PTGES3: variants seen among roughly 807,000 people sequenced by gnomAD.
PTGES3 encodes the protein prostaglandin E synthase 3, also known as Hsp90 co-chaperone.
Under a neutral mutation model 29.9 loss-of-function variants are expected in PTGES3, and 5 were observed. That is an observed-to-expected ratio of 0.17 (90% CI 0.09 to 0.35). The LOEUF is 0.35. PTGES3 is among the 10% of genes least tolerant of loss of function. The pLI, the probability that PTGES3 is intolerant of heterozygous loss-of-function variation, is 1.00. For synonymous variants in PTGES3, 49 were observed against 57.8 expected (o/e 0.85, Z 0.69); for missense variants, 128 against 190.0 (o/e 0.67, Z 1.92).
chr12:56,685,769 ACTTTTTT>A (rs1952813525), intron 1 of PTGES3, among the ~76,000 whole-genome samples: 1 of 90,746 alleles, frequency 1.1e-5, no homozygotes. Flanking sequence ...TGCTACACTT[ACTTTTTT>A]TTTTTTTTTT....
intron 3 of PTGES3, 51 bp from the exon 4 acceptor site, chr12:56,671,898 G>A (rs1370696561): frequency 9.9e-6 from 11 of 1,116,076 alleles, no homozygotes; most frequent in Non-Finnish European, 1.2e-5. Flanking sequence ...ATCACTACAT[G>A]ATAGAAAATA....
At chr12:56,678,075 C>G (rs1354990542) in intron 1 of PTGES3, among the ~76,000 whole-genome samples, 1 of 142,228 alleles carries the variant, frequency 7.0e-6, no homozygotes, top group East Asian at 2.0e-4. Flanking sequence ...GTGTTTGATA[C>G]CTAAGAAGGA....
chr12:56,665,902 T>C (rs1370424008), intron 6 of PTGES3: 3 of 989,158 alleles, frequency 3.0e-6, no homozygotes, highest in Non-Finnish European at 3.6e-6. Flanking sequence ...ATAACAGACA[T>C]GAGCCACCTC....
At chr12:56,686,846 T>C (rs916355758) in intron 1 of PTGES3, 2 of 397,386 alleles carry the variant, frequency 5.0e-6, no homozygotes, top group African/African-American at 2.1e-5. Flanking sequence ...TATCATGACT[T>C]GAATCAAGCA....
intron 4 of PTGES3, 59 bp downstream of exon 4, chr12:56,671,690 A>T (rs1366177508): frequency 3.6e-6 from 4 of 1,111,638 alleles, no homozygotes; most frequent in Non-Finnish European, 5.1e-6. Context: ...AAATAAGTAC[A>T]TCTTTTATTA....
At chr12:56,674,228 A>G (rs1371904220) in intron 1 of PTGES3, among the ~76,000 whole-genome samples, 1 of 152,148 alleles carries the variant, frequency 6.6e-6, no homozygotes, top group Non-Finnish European at 1.5e-5. Context: ...CCTCCTATAT[A>G]AAGAGATTAG....
At chr12:56,671,924 C>T (rs2137622177) in intron 3 of PTGES3, 77 bp from the exon 4 acceptor site, 2 of 886,872 alleles carry the variant, frequency 2.3e-6, no homozygotes, top group East Asian at 3.0e-5. Flanking sequence ...TCATTTCTCA[C>T]CTTTCTCATT....
rs1444361401 is a variant in PTGES3 at position 56,681,254 on chromosome 12, T to A, written c.2+6744A>T. Among the ~76,000 whole-genome samples the A allele has an allele frequency of 2.0e-5, 3 of 151,570 alleles. No homozygotes were observed. In the East Asian group the frequency reaches 5.9e-4, roughly 30 times the overall value. On this transcript the variant is annotated intron_variant, in intron 1 of 7. Coordinates refer to ENST00000262033, the MANE Select transcript of PTGES3 (RefSeq NM_006601.7). Reference sequence around the variant, plus strand: ...GCTGTGTAAATGGGTATTTTAAGAATCAGGCCGGGCGCGGTGGCTCATGCC... The same window carrying A: ...GCTGTGTAAATGGGTATTTTAAGAAACAGGCCGGGCGCGGTGGCTCATGCC...
intron 1 of PTGES3, among the ~76,000 whole-genome samples, chr12:56,683,459 G>C (rs1316939686): frequency 1.3e-5 from 1 of 77,646 alleles, no homozygotes; most frequent in African/African-American, 5.0e-5. Context: ...GGCAACAAGA[G>C]AGAAACTCTG....
At chr12:56,681,455 G>C (rs986614049) in intron 1 of PTGES3, among the ~76,000 whole-genome samples, 2 of 143,878 alleles carry the variant, frequency 1.4e-5, no homozygotes, top group Non-Finnish European at 3.0e-5. Flanking sequence ...GGAGAATGGC[G>C]TGAACCCGGG....
intron 1 of PTGES3, among the ~76,000 whole-genome samples, chr12:56,679,058 T>C (rs570350477): frequency 2.6e-5 from 4 of 152,200 alleles, no homozygotes; most frequent in African/African-American, 4.8e-5. Flanking sequence ...TTTGAGGTTA[T>C]AGTGAGCATG....
chr12:56,679,321 C>T (rs551602852), intron 1 of PTGES3, among the ~76,000 whole-genome samples: 1 of 141,132 alleles, frequency 7.1e-6, no homozygotes, highest in East Asian at 2.2e-4. Context: ...ACATGAGAAT[C>T]GGTTGAACCC....
chr12:56,665,656 T>C, intron 6 of PTGES3: 1 of 983,228 alleles, frequency 1.0e-6, no homozygotes, highest in Non-Finnish European at 1.2e-6. Context: ...TCTTCTTTCT[T>C]TTTGAGATGG....
At chr12:56,668,980 T>C (rs1026364498) in intron 5 of PTGES3, among the ~76,000 whole-genome samples, 1 of 151,008 alleles carries the variant, frequency 6.6e-6, no homozygotes, top group African/African-American at 2.4e-5. Flanking sequence ...TTTCCTTGTA[T>C]ATCTCATGGT....
intron 1 of PTGES3, among the ~76,000 whole-genome samples, chr12:56,677,340 AT>A (rs1952303473): frequency 6.6e-6 from 1 of 152,124 alleles, no homozygotes; most frequent in Non-Finnish European, 1.5e-5. Flanking sequence ...ACCACATAAA[AT>A]AACTCGCTAG....
chr12:56,665,023 T>C (rs1001399110), intron 6 of PTGES3: 2 of 985,332 alleles, frequency 2.0e-6, no homozygotes, highest in Admixed American at 6.2e-5. Flanking sequence ...GTGTGCCTTT[T>C]GGTGACAATT....
intron 4 of PTGES3, among the ~76,000 whole-genome samples, chr12:56,671,403 G>GA (rs961328565): frequency 1.3e-4 from 20 of 151,388 alleles, no homozygotes; most frequent in African/African-American, 4.4e-4. Context: ...TGTTTTGGGG[G>GA]AAAAAAAACA....
At chr12:56,665,638 A>T (rs1951756662) in intron 6 of PTGES3, 1 of 983,966 alleles carries the variant, frequency 1.0e-6, no homozygotes, top group African/African-American at 1.8e-5. Context: ...ATACCTATAA[A>T]CTGACTCTCT....
chr12:56,682,915 A>C (rs947712345), intron 1 of PTGES3, among the ~76,000 whole-genome samples: 1 of 151,626 alleles, frequency 6.6e-6, no homozygotes, highest in Non-Finnish European at 1.5e-5. Context: ...AATCGCTTGA[A>C]CCTAGGAGGC....
Sources: allele counts gnomAD v4.1 joint callset (sites outside exome capture counted in the v4.1 genomes callset), GRCh38; gene constraint gnomAD v4.1.1; transcripts MANE v1.5; gene names NCBI Gene and HGNC (gene_info 2026-07-23, HGNC 2026-07-21).